The following DMWD variants were observed in gnomAD, a reference collection of about 807,000 sequenced individuals.
The protein encoded by DMWD is dystrophia myotonica WD repeat-containing protein.
A neutral mutation model predicts 45.8 loss-of-function variants in DMWD; 19 were observed. The ratio of observed to expected loss-of-function variants is 0.41; its 90% CI spans 0.29 to 0.61. The LOEUF (loss-of-function observed/expected upper bound fraction) is 0.61. Ranked by LOEUF, DMWD falls within the 20% of genes least tolerant of loss-of-function variation. The probability of loss-of-function intolerance (pLI) is 0.25; values close to 1 mark genes in which losing one functional copy is unlikely to be tolerated. For missense variants in DMWD, 802 were observed against 965.2 expected, an observed-to-expected ratio of 0.83 and a Z score of 2.24; for synonymous variants, 515 against 440.5, an observed-to-expected ratio of 1.17 and a Z score of -2.12.
chr19:45,792,243 G>A, intron 1 of DMWD, 73 bp downstream of exon 1: 1 of 1,519,450 alleles, frequency 6.6e-7, no homozygotes, highest in Non-Finnish European at 8.8e-7. Flanking sequence ...ATATCAATTC[G>A]GGGACCCTCC....
chr19:45,785,519 T>C, intron 3 of DMWD, 75 bp downstream of exon 3: 3 of 1,423,456 alleles, frequency 2.1e-6, no homozygotes, highest in Non-Finnish European at 2.8e-6. Context: ...AACAAAGCCC[T>C]CTCTCTGCCA....
intron 1 of DMWD, among the ~76,000 whole-genome samples, chr19:45,791,861 C>T (rs2146276025): frequency 6.6e-6 from 1 of 152,176 alleles, no homozygotes; most frequent in East Asian, 1.9e-4. Context: ...CCTTCAAGGC[C>T]CCCATCACTT....
In DMWD at chr19:45,783,836, G is replaced by T; in HGVS notation, c.*407C>A. On this transcript the variant is annotated 3_prime_UTR_variant, in exon 5 of 5. Transcript: ENST00000270223. ...CTTCAAAAGCACAGACAATAGCAAG[G>T]GCAGCTGGGGTGGGGGCCGGGCGAG... is the stretch of plus-strand genomic sequence containing the variant. 2.2e-6 allele frequency: 1 copy of T among 464,486 alleles called. No individual in the cohort carries two copies. The highest frequency in any genetic ancestry group is 4.6e-5 in the South Asian group (1 of 21,824). 28.8% of individuals were successfully genotyped at this position (464,486 alleles called of 1,614,324 possible). A position where few individuals can be genotyped will look rare whatever the true frequency, so the allele number is the denominator to read the frequency against.
Position 45,783,763 on chromosome 19 carries a change from G to A in DMWD, c.*480C>T. 2 of 457,176 alleles carry A rather than the reference G, an allele frequency of 4.4e-6. No individual in the cohort carries two copies. Among genetic ancestry groups the A allele is most frequent in the East Asian group, 3.5e-5 (1 of 28,252 alleles). The allele number at this position is 457,176 out of a possible 1,614,324, so 28.3% of individuals were successfully genotyped here. ...CAGGGAACTTTAGTATAAATAAGAG[G>A]TCCTGCGGGACAGGGAGGAACCTGA... On this transcript the variant is annotated 3_prime_UTR_variant, in exon 5 of 5. Coordinates refer to ENST00000270223, the MANE Select transcript of DMWD (RefSeq NM_004943.2).
chr19:45,790,745 G>C, intron 2 of DMWD, 160 bp downstream of exon 2: 1 of 729,698 alleles, frequency 1.4e-6, no homozygotes, highest in Non-Finnish European at 2.2e-6. Flanking sequence ...CCTGGGTACA[G>C]TAAAGGCAGC....
rs1970316931 is a variant in DMWD at position 45,788,773 on chromosome 19, A to C, written c.625-1902T>G. On this transcript the variant is annotated intron_variant, in intron 2 of 4. Transcript: ENST00000270223. ...AAGAGACCCCGCCTCTACAAAAAAT[A>C]CAAAAGTTAGCCAGTTGTGGTGGTG... Among the ~76,000 whole-genome samples the C allele has an allele frequency of 3.9e-5, 6 of 152,070 alleles. No individual in the cohort carries two copies. The South Asian group carries it at 1.2e-3, about 32-fold the overall frequency.
chr19:45,790,890 G>A lies in DMWD; in HGVS notation c.624+15C>T, dbSNP rs1970348127. 6.3e-7 allele frequency: 1 copy of A among 1,591,862 alleles called. No homozygotes were observed. ...AGAAGGCAGAGAAGTTGGGGGCTCT[G>A]GGGGCTGCAATCACCTCCTCATTGA... is the stretch of plus-strand genomic sequence containing the variant. On this transcript the variant is annotated intron_variant, in intron 2 of 4. Transcript: ENST00000270223.
At chr19:45,792,203 T>C in intron 1 of DMWD, 113 bp downstream of exon 1, 1 of 1,405,348 alleles carries the variant, frequency 7.1e-7, no homozygotes, top group Non-Finnish European at 9.3e-7. Flanking sequence ...ACAACGTCCA[T>C]CACATTTAGA....
At chr19:45,791,786 G>A (rs1037124556) in intron 1 of DMWD, among the ~76,000 whole-genome samples, 1 of 151,718 alleles carries the variant, frequency 6.6e-6, no homozygotes, top group Non-Finnish European at 1.5e-5. Context: ...TCTCCTCCAG[G>A]ACCCTCATGA....
At chr19:45,785,074 AC>A (rs2146270810) in intron 3 of DMWD, among the ~76,000 whole-genome samples, 2 of 152,248 alleles carry the variant, frequency 1.3e-5, no homozygotes, top group South Asian at 4.1e-4. Context: ...GGGGGCAGTG[AC>A]TTGTCCAGGG....
intron 2 of DMWD, chr19:45,787,231 A>G (rs1200664716): frequency 3.1e-6 from 1 of 324,352 alleles, no homozygotes; most frequent in Non-Finnish European, 5.8e-6. Context: ...GTTAGGAACC[A>G]GGCCATGCAG....
In DMWD at chr19:45,785,292, G is replaced by A. The variant is rs577884485; in HGVS notation, c.1902+302C>T. 13 of 1,174,030 alleles carry A rather than the reference G, an allele frequency of 1.1e-5. No individual in the cohort carries two copies. The African/African-American group carries it at 2.1e-4, about 19-fold the overall frequency. The allele number at this position is 1,174,030 out of a possible 1,614,324, so 72.7% of individuals were successfully genotyped here. On this transcript the variant is annotated intron_variant, in intron 3 of 4. Transcript: ENST00000270223. ...GAAATAGATTCTGGTTCGAGTGACA[G>A]GCAGTAAGACCTGGCCATGTGGGGC...
At position 45,783,851 on chromosome 19, in the gene DMWD, G is replaced by A. The variant is rs1015735822; in HGVS notation, c.*392C>T. The A allele has an allele frequency of 8.6e-6, 4 of 463,040 alleles. No homozygotes were observed. The highest frequency in any genetic ancestry group is 1.5e-5 in the Non-Finnish European group (4 of 265,920). 28.7% of individuals were successfully genotyped at this position (463,040 alleles called of 1,614,324 possible). On this transcript the variant is annotated 3_prime_UTR_variant, in exon 5 of 5. Transcript: ENST00000270223. ...CAATAGCAAGGGCAGCTGGGGTGGG[G>A]GCCGGGCGAGGGCTGGACCACCCCC...
intron 3 of DMWD, chr19:45,785,322 C>T: frequency 8.3e-7 from 1 of 1,211,038 alleles, no homozygotes; most frequent in Non-Finnish European, 1.0e-6. Flanking sequence ...TGGGGCCCAT[C>T]TGCTGCCCTT....
At chr19:45,789,941 G>A (rs1462589909) in intron 2 of DMWD, 1 of 152,214 alleles carries the variant, frequency 6.6e-6, no homozygotes, top group East Asian at 1.9e-4. Flanking sequence ...ACGAGGTCAG[G>A]AGATCGAGAC....
chr19:45,784,921 A>G (rs555474874), intron 3 of DMWD, among the ~76,000 whole-genome samples: 4 of 152,264 alleles, frequency 2.6e-5, no homozygotes, highest in Non-Finnish European at 5.9e-5. Context: ...GACACCCAAG[A>G]CGAGCTCCGA....
chr19:45,791,205 G>A (rs1220275148), intron 1 of DMWD, 118 bp from the exon 2 acceptor site: 9 of 1,070,844 alleles, frequency 8.4e-6, no homozygotes, highest in Admixed American at 2.7e-5. Context: ...GGGAAGTGGG[G>A]AGGTGAGTAG....
chr19:45,790,711 G>A, intron 2 of DMWD, 194 bp downstream of exon 2: 2 of 512,452 alleles, frequency 3.9e-6, no homozygotes, highest in Non-Finnish European at 3.4e-6. Flanking sequence ...AAAGTATTCA[G>A]CACAAGGGTA....
Position 45,785,878 on chromosome 19 carries a change from G to A in DMWD, c.1618C>T (p.His540Tyr). 6.2e-7 allele frequency: 1 copy of A among 1,605,852 alleles called. No individual in the cohort carries two copies. The change falls in exon 3 of 5, where the codon CAC (histidine) becomes TAC (tyrosine). Residue 540 changes from histidine (H) to tyrosine (Y), a missense_variant. By Grantham distance (83) the His-to-Tyr change is moderately conservative (BLOSUM62 2). Coordinates refer to ENST00000270223, the MANE Select transcript of DMWD (RefSeq NM_004943.2). ...TTGCCCAGGCTGTGGTAGCGCTTGT[G>A]CTCCTTCTCTGCCCCCCGGTCCCGC... Reference protein sequence around the residue: ...ERRDRGAEKEHKRYHSLGNIS... With the variant: ...ERRDRGAEKEYKRYHSLGNIS...
Sources: allele counts gnomAD v4.1 joint callset (sites outside exome capture counted in the v4.1 genomes callset), GRCh38; gene constraint gnomAD v4.1.1; transcripts MANE v1.5; gene names NCBI Gene and HGNC (gene_info 2026-07-23, HGNC 2026-07-21).